TUSC3: variants seen among roughly 807,000 people sequenced by gnomAD.
The protein encoded by TUSC3 is dolichyl-diphosphooligosaccharide--protein glycosyltransferase subunit TUSC3.
TUSC3 carries 45 observed loss-of-function variants against 44.8 expected under a neutral mutation model. The observed-to-expected ratio is 1.00, with a 90% CI of 0.79 to 1.29. TUSC3 has a LOEUF of 1.29. TUSC3 is among the 50% of genes most tolerant of loss of function. TUSC3 has a pLI of 0.00. For missense variants in TUSC3, 519 were observed against 437.9 expected (o/e 1.19, Z -1.65); for synonymous variants, 212 against 152.9 (o/e 1.39, Z -2.85).
chr8:15,605,969 T>C (rs775992729), intron 1 of TUSC3, among the ~76,000 whole-genome samples: 10 of 152,000 alleles, frequency 6.6e-5, no homozygotes, highest in Non-Finnish European at 1.5e-4. Flanking sequence ...CCTTCATCTC[T>C]CCAGTGAGTT....
intron 2 of TUSC3, among the ~76,000 whole-genome samples, chr8:15,649,470 G>C (rs1298718990): frequency 6.6e-6 from 1 of 152,022 alleles, no homozygotes. Context: ...TGTAGTCCCA[G>C]CTGCTTGGGA....
In TUSC3 at chr8:15,635,067, T is replaced by TA. The variant is rs528049075; in HGVS notation, c.308+11818_308+11819insA. ...CTGAATTTCCTAAGCCTTTTTTTTTTCCCCCCAAAGGTAGGCTGCCACCCA... is the reference window on the plus strand; with the variant it reads ...CTGAATTTCCTAAGCCTTTTTTTTTTACCCCCCAAAGGTAGGCTGCCACCCA... On this transcript the variant is annotated intron_variant, in intron 2 of 10. Coordinates refer to ENST00000503731, the MANE Select transcript of TUSC3 (RefSeq NM_006765.4). 4.3e-4 allele frequency among the ~76,000 whole-genome samples: 65 copies of TA among 151,850 alleles called. No homozygotes were observed. The East Asian group carries it at 9.5e-3, about 22-fold the overall frequency.
At chr8:15,485,222 T>C (rs1800718237) in intron 2 of TUSC3, among the ~76,000 whole-genome samples, 3 of 152,246 alleles carry the variant, frequency 2.0e-5, no homozygotes, top group African/African-American at 7.2e-5. Context: ...GCTGCACTTC[T>C]AGTTTTTCAG....
intron 1 of TUSC3, among the ~76,000 whole-genome samples, chr8:15,475,128 A>G (rs1172599944): frequency 6.6e-6 from 1 of 152,082 alleles, no homozygotes; most frequent in Non-Finnish European, 1.5e-5. Flanking sequence ...TTGAGCAGTT[A>G]TTATGCTCTG....
At chr8:15,495,660 G>C (rs901056871) in intron 2 of TUSC3, among the ~76,000 whole-genome samples, 1 of 152,054 alleles carries the variant, frequency 6.6e-6, no homozygotes, top group Non-Finnish European at 1.5e-5. Context: ...GGGCAGTATG[G>C]GAGCCTCCAC....
chr8:15,459,562 C>T lies in TUSC3; in HGVS notation n.92-23824C>T, dbSNP rs73534237. Among the ~76,000 whole-genome samples, 17 of 152,028 alleles carry T rather than the reference C, an allele frequency of 1.1e-4. No individual in the cohort carries two copies. The East Asian group carries it at 3.1e-3, about 28-fold the overall frequency. ...GGTGATTTGTGAGATTTTGGTGCAG[C>T]CATCGCCCAAGCAGTATACACTGCA... On this transcript the variant is annotated intron_variant and non_coding_transcript_variant, in intron 1 of 5. Coordinates refer to the TUSC3 transcript ENST00000503191.
intron 9 of TUSC3, chr8:15,748,814 T>C (rs1370525686): frequency 2.0e-6 from 1 of 488,828 alleles, no homozygotes; most frequent in Admixed American, 2.2e-5. Context: ...TAATTCACTG[T>C]TCATTGTCTA....
intron 1 of TUSC3, among the ~76,000 whole-genome samples, chr8:15,604,000 G>C (rs1349491840): frequency 6.6e-6 from 1 of 151,562 alleles, no homozygotes; most frequent in Non-Finnish European, 1.5e-5. Flanking sequence ...GAAAGCCTAT[G>C]TGACCATTAT....
At chr8:15,677,683 C>T (rs1429257536) in intron 6 of TUSC3, among the ~76,000 whole-genome samples, 4 of 152,148 alleles carry the variant, frequency 2.6e-5, no homozygotes, top group African/African-American at 9.7e-5. Context: ...TGCCATAAGG[C>T]AAAGAGGGAA....
the TUSC3 span, among the ~76,000 whole-genome samples, chr8:15,804,298 T>C: frequency 2.0e-5 from 3 of 152,200 alleles, no homozygotes; most frequent in Non-Finnish European, 2.9e-5. Flanking sequence ...CTTTACTCTG[T>C]TTATAGTTTG....
chr8:15,625,860 G>T (rs1000031127), intron 2 of TUSC3, among the ~76,000 whole-genome samples: 1 of 152,212 alleles, frequency 6.6e-6, no homozygotes, highest in Non-Finnish European at 1.5e-5. Flanking sequence ...TTGAAAAACA[G>T]CACGTTAGGT....
chr8:15,815,333 A>T, the TUSC3 span, among the ~76,000 whole-genome samples: 1 of 152,132 alleles, frequency 6.6e-6, no homozygotes, highest in South Asian at 2.1e-4. Flanking sequence ...GGATAGGGAA[A>T]GATAGTAGGA....
the TUSC3 span, among the ~76,000 whole-genome samples, chr8:15,817,675 A>G: frequency 6.6e-6 from 1 of 152,164 alleles, no homozygotes; most frequent in Non-Finnish European, 1.5e-5. Context: ...CACCATGATT[A>G]TAAGTTGCCC....
intron 9 of TUSC3, among the ~76,000 whole-genome samples, chr8:15,754,921 A>AACATCTATGCCCTTCATCATATTTTTTC (rs1811861107): frequency 2.0e-5 from 3 of 152,036 alleles, no homozygotes; most frequent in African/African-American, 7.2e-5. Flanking sequence ...CAAAACCTTA[A>AACATCTATGCCCTTCATCATATTTTTTC]ACATCTATGC....
chr8:15,615,405 A>C (rs1182442434), intron 1 of TUSC3, among the ~76,000 whole-genome samples: 1 of 152,206 alleles, frequency 6.6e-6, no homozygotes, highest in Non-Finnish European at 1.5e-5. Flanking sequence ...AGTTAAAAAG[A>C]AACCAAAAAC....
At chr8:15,683,384 A>C (rs936143453) in intron 6 of TUSC3, among the ~76,000 whole-genome samples, 1 of 152,024 alleles carries the variant, frequency 6.6e-6, no homozygotes, top group African/African-American at 2.4e-5. Context: ...GTTGATTTGA[A>C]GGAGTGATGT....
At chr8:15,739,196 AT>A (rs1266273716) in intron 7 of TUSC3, among the ~76,000 whole-genome samples, 1 of 152,138 alleles carries the variant, frequency 6.6e-6, no homozygotes, top group Non-Finnish European at 1.5e-5. Context: ...TGTCACAAAA[AT>A]ATCTCATATG....
chr8:15,617,218 C>T (rs1288899427), intron 1 of TUSC3, among the ~76,000 whole-genome samples: 4 of 148,994 alleles, frequency 2.7e-5, no homozygotes, highest in African/African-American at 9.9e-5. Context: ...CCGCTCACTG[C>T]AAGCTCCGCC....
At chr8:15,787,492 G>C in the TUSC3 span, among the ~76,000 whole-genome samples, 1,382 of 152,162 alleles carry the variant, frequency 9.1e-3, 23 homozygotes, top group African/African-American at 0.032. Context: ...TAAAAAATTT[G>C]TCAGGAAAAT....
Sources: allele counts gnomAD v4.1 joint callset (sites outside exome capture counted in the v4.1 genomes callset), GRCh38; gene constraint gnomAD v4.1.1; transcripts MANE v1.5; gene names NCBI Gene and HGNC (gene_info 2026-07-23, HGNC 2026-07-21).